The following RAB10 variants were observed in gnomAD, a reference collection of about 807,000 sequenced individuals.
RAB10 encodes the protein ras-related protein Rab-10.
In RAB10, 5 loss-of-function variants were observed where a neutral mutation model predicts 25.7. The ratio of observed to expected loss-of-function variants is 0.19; its 90% CI spans 0.10 to 0.41. RAB10 has a LOEUF of 0.41. Ranked by LOEUF, RAB10 falls within the 10% of genes least tolerant of loss-of-function variation. The probability of loss-of-function intolerance (pLI) is 1.00; values close to 1 mark genes in which losing one functional copy is unlikely to be tolerated. For missense variants in RAB10, 103 were observed against 245.8 expected, an observed-to-expected ratio of 0.42 and a Z score of 3.89; for synonymous variants, 89 against 86.4, an observed-to-expected ratio of 1.03 and a Z score of -0.16.
intron 1 of RAB10, among the ~76,000 whole-genome samples, chr2:26,072,151 G>T (rs1666640371): frequency 6.6e-6 from 1 of 152,044 alleles, no homozygotes; most frequent in African/African-American, 2.4e-5. Flanking sequence ...GGGTGCGGTG[G>T]CTCACGCCTG....
At chr2:26,123,255 T>C (rs1314952788) in intron 3 of RAB10, among the ~76,000 whole-genome samples, 1 of 152,172 alleles carries the variant, frequency 6.6e-6, no homozygotes, top group Admixed American at 6.5e-5. Flanking sequence ...CAGAACCCCA[T>C]GAGTTTAACA....
intron 1 of RAB10, among the ~76,000 whole-genome samples, chr2:26,083,764 C>T (rs944535338): frequency 7.9e-5 from 12 of 152,064 alleles, no homozygotes; most frequent in Non-Finnish European, 1.5e-4. Flanking sequence ...AGTGATCTGC[C>T]CACGCCGGCC....
intron 5 of RAB10, among the ~76,000 whole-genome samples, chr2:26,131,593 A>AG (rs1278410621): frequency 2.0e-5 from 3 of 152,120 alleles, no homozygotes; most frequent in Non-Finnish European, 4.4e-5. Flanking sequence ...TTTTAAAAGG[A>AG]GAAAAAAAAA....
At chr2:26,075,306 A>AT (rs1238012120) in intron 1 of RAB10, among the ~76,000 whole-genome samples, 1 of 152,160 alleles carries the variant, frequency 6.6e-6, no homozygotes, top group African/African-American at 2.4e-5. Flanking sequence ...AAGTAGAGCT[A>AT]TTCTTTCTTT....
At chr2:26,103,517 T>C (rs1667387082) in intron 2 of RAB10, among the ~76,000 whole-genome samples, 1 of 152,238 alleles carries the variant, frequency 6.6e-6, no homozygotes, top group Admixed American at 6.5e-5. Flanking sequence ...AATGAGTTTT[T>C]ATTGGAAGTT....
intron 1 of RAB10, among the ~76,000 whole-genome samples, chr2:26,085,005 T>A (rs1666946867): frequency 6.6e-6 from 1 of 152,238 alleles, no homozygotes; most frequent in Admixed American, 6.5e-5. Context: ...GTCTCTTAGT[T>A]GTAGTTGGCA....
At chr2:26,050,854 A>G (rs1381380084) in intron 1 of RAB10, among the ~76,000 whole-genome samples, 1 of 151,970 alleles carries the variant, frequency 6.6e-6, no homozygotes, top group Admixed American at 6.6e-5. Flanking sequence ...TGATTGTCCC[A>G]CTTCAGCCTC....
In RAB10 at chr2:26,079,101, T is replaced by C. The variant is rs534612825; in HGVS notation, c.128-19561T>C. Among the ~76,000 whole-genome samples the C allele has an allele frequency of 4.7e-4, 71 of 152,130 alleles. 2 individuals are homozygous for C. The South Asian group carries it at 0.013, about 27-fold the overall frequency. Reference sequence around the variant, plus strand: ...ACTCTGGAGGCTGAGGCATGAGAATTGCTTGAACCTAGGAGGCGGAGGTTG... The same window carrying C: ...ACTCTGGAGGCTGAGGCATGAGAATCGCTTGAACCTAGGAGGCGGAGGTTG... On this transcript the variant is annotated intron_variant, in intron 1 of 5. Transcript: ENST00000264710.
chr2:26,053,505 TAATC>T (rs1666178220), intron 1 of RAB10, among the ~76,000 whole-genome samples: 1 of 152,242 alleles, frequency 6.6e-6, no homozygotes, highest in Admixed American at 6.5e-5. Flanking sequence ...GGCAAATTCA[TAATC>T]TATTAGAGGA....
At position 26,104,781 on chromosome 2, in the gene RAB10, A is replaced by G. The variant is rs569552479; in HGVS notation, c.189-4987A>G. Among the ~76,000 whole-genome samples the G allele has an allele frequency of 2.1e-5, 3 of 141,928 alleles. No homozygotes were observed. In the East Asian group the frequency reaches 6.1e-4, roughly 29 times the overall value. 93.1% of individuals were successfully genotyped at this position (141,928 alleles called of 152,430 possible). On this transcript the variant is annotated intron_variant, in intron 2 of 5. Coordinates refer to ENST00000264710, the MANE Select transcript of RAB10 (RefSeq NM_016131.5). ...GAGATGGAGTCTTGCTCTGTCGCCC[A>G]GGCTGGAATGCAGTGGCGCTATCTC...
In RAB10 at chr2:26,075,138, A is replaced by G. The variant is rs76795723; in HGVS notation, c.128-23524A>G. Among the ~76,000 whole-genome samples the G allele has an allele frequency of 4.1e-3, 631 of 152,314 alleles. 2 individuals are homozygous for G. The highest frequency in any genetic ancestry group is 6.6e-3 in the Non-Finnish European group (452 of 68,024). On this transcript the variant is annotated intron_variant, in intron 1 of 5. Coordinates refer to ENST00000264710, the MANE Select transcript of RAB10 (RefSeq NM_016131.5). ...TCAGAGTACAGGCTTCCTGGAGAGC[A>G]AAATACAAAAGATGCCAAGGTGAGA...
Position 26,102,429 on chromosome 2 carries a change from T to C in RAB10, c.188+3707T>C, listed in dbSNP as rs550350910. Among the ~76,000 whole-genome samples, 62 of 150,450 alleles carry C rather than the reference T, an allele frequency of 4.1e-4. 2 individuals are homozygous for C. The South Asian group carries it at 0.012, about 29-fold the overall frequency. ...GACTGGGCTGTGATTTTTTTTTTTC[T>C]TTTTTCTTTCTTTTTTTTTTTTTTT... On this transcript the variant is annotated intron_variant, in intron 2 of 5. Coordinates refer to ENST00000264710, the MANE Select transcript of RAB10 (RefSeq NM_016131.5).
At chr2:26,042,999 C>A (rs1282024373) in intron 1 of RAB10, among the ~76,000 whole-genome samples, 4 of 152,082 alleles carry the variant, frequency 2.6e-5, no homozygotes, top group African/African-American at 9.7e-5. Flanking sequence ...AACCTTGGTG[C>A]ATTGCTGGTG....
intron 1 of RAB10, among the ~76,000 whole-genome samples, chr2:26,049,669 A>T (rs776861899): frequency 6.6e-6 from 1 of 152,144 alleles, no homozygotes; most frequent in Non-Finnish European, 1.5e-5. Context: ...TCAGTCTGGG[A>T]TTACAGGCAT....
rs374403302 is a variant in RAB10, at chr2:26,070,137, C to T, written c.128-28525C>T. Among the ~76,000 whole-genome samples the T allele has an allele frequency of 1.8e-4, 27 of 152,354 alleles. No individual in the cohort carries two copies. In the East Asian group the frequency reaches 2.3e-3, roughly 13 times the overall value. On this transcript the variant is annotated intron_variant, in intron 1 of 5. Coordinates refer to ENST00000264710, the MANE Select transcript of RAB10 (RefSeq NM_016131.5). The stretch of plus-strand genomic sequence containing the variant: ...AGCTACACGAATTCTTCTAGAGATC[C>T]TTGGACTTGAAATTATGCGTCCTTG...
At chr2:26,084,979 T>C (rs1666946282) in intron 1 of RAB10, among the ~76,000 whole-genome samples, 1 of 152,202 alleles carries the variant, frequency 6.6e-6, no homozygotes, top group Non-Finnish European at 1.5e-5. Flanking sequence ...GCTTGTATTA[T>C]CCCCAGTTAC....
rs10669615 is a variant in RAB10, at chr2:26,124,389, C to CTTTTTTTTTTTTTTTTTTT, written c.328-2745_328-2727dup. ...GTTGTTTTTCTTATTGTTGTTGTTG[C>CTTTTTTTTTTTTTTTTTTT]TTTTTTTTTTTTTTTTTTTTTTTTT... On this transcript the variant is annotated intron_variant, in intron 3 of 5. Transcript: ENST00000264710. Among the ~76,000 whole-genome samples, 22 of 19,678 alleles carry CTTTTTTTTTTTTTTTTTTT rather than the reference C, an allele frequency of 1.1e-3. 9 individuals carry two copies. Among genetic ancestry groups the CTTTTTTTTTTTTTTTTTTT allele is most frequent in the African/African-American group, 1.8e-3 (9 of 5,018 alleles). The allele number at this position is 19,678 out of a possible 152,430, so 12.9% of individuals were successfully genotyped here. A position where few individuals can be genotyped will look rare whatever the true frequency, so the allele number is the denominator to read the frequency against.
chr2:26,132,082 TGTCCTGAGG>T (rs1668023135), intron 5 of RAB10, among the ~76,000 whole-genome samples: 1 of 152,258 alleles, frequency 6.6e-6, no homozygotes, highest in Non-Finnish European at 1.5e-5. Flanking sequence ...AGCCAAAGTC[TGTCCTGAGG>T]GTTATACCCA....
At chr2:26,041,959 A>G (rs1244221691) in intron 1 of RAB10, among the ~76,000 whole-genome samples, 2 of 152,198 alleles carry the variant, frequency 1.3e-5, no homozygotes, top group Non-Finnish European at 2.9e-5. Context: ...AATAGGCTTA[A>G]GAGAGTTACT....
Sources: allele counts gnomAD v4.1 joint callset (sites outside exome capture counted in the v4.1 genomes callset), GRCh38; gene constraint gnomAD v4.1.1; transcripts MANE v1.5; gene names NCBI Gene and HGNC (gene_info 2026-07-23, HGNC 2026-07-21).